Variants in KLHL1 observed in about 807,000 individuals in gnomAD.
KLHL1 encodes kelch-like protein 1.
KLHL1 carries 47 observed loss-of-function variants against 77.7 expected under a neutral mutation model. The observed-to-expected ratio is 0.60, with a 90% confidence interval of 0.48 to 0.77. The LOEUF is 0.77. KLHL1 is among the 30% of genes least tolerant of loss of function. KLHL1 has a pLI of 0.00. For synonymous variants in KLHL1, 360 were observed against 325.2 expected, an observed-to-expected ratio of 1.11 and a Z score of -1.15; for missense variants, 925 against 910.8, an observed-to-expected ratio of 1.02 and a Z score of -0.20.
At chr13:69,799,473 C>T (rs1474337588) in intron 6 of KLHL1, among the ~76,000 whole-genome samples, 1 of 152,188 alleles carries the variant, frequency 6.6e-6, no homozygotes, top group Non-Finnish European at 1.5e-5. Context: ...GATTTTTAAC[C>T]TTTACAGTTT....
At chr13:69,753,162 GTCTT>G (rs1299265747) in intron 7 of KLHL1, among the ~76,000 whole-genome samples, 1 of 152,060 alleles carries the variant, frequency 6.6e-6, no homozygotes, top group Non-Finnish European at 1.5e-5. Context: ...CTTCCTCTCT[GTCTT>G]TCAGGAGTGT....
At chr13:69,968,382 T>C (rs1432117788) in intron 2 of KLHL1, among the ~76,000 whole-genome samples, 1 of 149,750 alleles carries the variant, frequency 6.7e-6, no homozygotes, top group Non-Finnish European at 1.5e-5. Context: ...AATATACATA[T>C]ATAATATATA....
intron 6 of KLHL1, among the ~76,000 whole-genome samples, chr13:69,797,254 A>C (rs1877151339): frequency 6.6e-6 from 1 of 152,224 alleles, no homozygotes; most frequent in Non-Finnish European, 1.5e-5. Flanking sequence ...CAGTTCTGTC[A>C]GTGGATTTTA....
At chr13:69,868,714 G>T (rs1880465219) in intron 5 of KLHL1, among the ~76,000 whole-genome samples, 1 of 151,730 alleles carries the variant, frequency 6.6e-6, no homozygotes, top group Non-Finnish European at 1.5e-5. Context: ...AATGTCAAAA[G>T]ATAATTTTTT....
intron 1 of KLHL1, among the ~76,000 whole-genome samples, chr13:70,080,234 C>T (rs1003431931): frequency 6.6e-6 from 1 of 152,118 alleles, no homozygotes; most frequent in Admixed American, 6.5e-5. Context: ...ATTTGAGGAG[C>T]ATGCCAACGT....
chr13:69,847,181 T>C (rs1879496494), intron 5 of KLHL1, among the ~76,000 whole-genome samples: 1 of 151,392 alleles, frequency 6.6e-6, no homozygotes, highest in African/African-American at 2.4e-5. Flanking sequence ...GAATTTATTC[T>C]TGCTGGATGA....
At chr13:69,833,028 G>C (rs887791724) in intron 6 of KLHL1, among the ~76,000 whole-genome samples, 3 of 151,978 alleles carry the variant, frequency 2.0e-5, no homozygotes, top group Non-Finnish European at 1.5e-5. Context: ...TAATTCTTCT[G>C]AACATTGTCT....
At chr13:70,079,340 G>C (rs919057105) in intron 1 of KLHL1, among the ~76,000 whole-genome samples, 11 of 152,058 alleles carry the variant, frequency 7.2e-5, no homozygotes, top group Non-Finnish European at 1.3e-4. Flanking sequence ...ACAGTTCAAA[G>C]TTCCCCAGGT....
chr13:69,990,542 T>C (rs1444906970), intron 1 of KLHL1, among the ~76,000 whole-genome samples: 1 of 151,852 alleles, frequency 6.6e-6, no homozygotes, highest in Admixed American at 6.6e-5. Flanking sequence ...CACAAAAGAC[T>C]TTAAACCAAC....
chr13:69,865,921 T>G (rs550437662), intron 5 of KLHL1, among the ~76,000 whole-genome samples: 1 of 152,286 alleles, frequency 6.6e-6, no homozygotes, highest in African/African-American at 2.4e-5. Flanking sequence ...TATGTGTATT[T>G]TAACATATTC....
At chr13:69,902,578 A>C (rs941400927) in intron 4 of KLHL1, among the ~76,000 whole-genome samples, 1 of 152,130 alleles carries the variant, frequency 6.6e-6, no homozygotes, top group African/African-American at 2.4e-5. Context: ...ATGCAACTAC[A>C]AAAAATGATG....
At chr13:69,813,599 T>C (rs954828049) in intron 6 of KLHL1, among the ~76,000 whole-genome samples, 17 of 152,014 alleles carry the variant, frequency 1.1e-4, no homozygotes, top group Non-Finnish European at 2.9e-5. Context: ...CATTTCTATA[T>C]ACAAATAATG....
intron 1 of KLHL1, among the ~76,000 whole-genome samples, chr13:70,056,838 T>C (rs780449439): frequency 5.5e-4 from 83 of 151,958 alleles, no homozygotes; most frequent in Non-Finnish European, 8.5e-4. Context: ...AAAGAGGAAA[T>C]TTTATTTTAA....
At chr13:69,751,114 G>A (rs1025486753) in intron 7 of KLHL1, among the ~76,000 whole-genome samples, 3 of 71,580 alleles carry the variant, frequency 4.2e-5, no homozygotes, top group South Asian at 5.2e-4. Flanking sequence ...ATGTGTGTAT[G>A]TGTGTGTGTG....
intron 1 of KLHL1, among the ~76,000 whole-genome samples, chr13:70,006,517 T>TTC (rs1555289906): frequency 1.3e-5 from 2 of 151,398 alleles, no homozygotes; most frequent in Non-Finnish European, 2.9e-5. Context: ...TTTTTTTTTT[T>TTC]CAAAGAGTTT....
intron 4 of KLHL1, among the ~76,000 whole-genome samples, chr13:69,903,919 C>T (rs894099477): frequency 2.6e-5 from 4 of 151,552 alleles, no homozygotes; most frequent in Admixed American, 1.3e-4. Context: ...GGATTACAGG[C>T]GTGAGCCACC....
intron 6 of KLHL1, among the ~76,000 whole-genome samples, chr13:69,808,844 T>C (rs551327825): frequency 6.9e-6 from 1 of 144,762 alleles, no homozygotes; most frequent in East Asian, 2.0e-4. Flanking sequence ...ATTTAAAAGA[T>C]GACATAGTTG....
chr13:69,779,063 G>T (rs1875987141), intron 7 of KLHL1, among the ~76,000 whole-genome samples: 1 of 152,028 alleles, frequency 6.6e-6, no homozygotes, highest in Non-Finnish European at 1.5e-5. Context: ...CTCCCAAAGT[G>T]CTGGGATTAC....
chr13:69,777,690 C>A (rs1875901540), intron 7 of KLHL1, among the ~76,000 whole-genome samples: 1 of 152,044 alleles, frequency 6.6e-6, no homozygotes, highest in South Asian at 2.1e-4. Context: ...TCAGCTTATG[C>A]ATCACTTCTT....
Sources: allele counts gnomAD v4.1 joint callset (sites outside exome capture counted in the v4.1 genomes callset), GRCh38; gene constraint gnomAD v4.1.1; transcripts MANE v1.5; gene names NCBI Gene and HGNC (gene_info 2026-07-23, HGNC 2026-07-21).